Variants in KCNMA1 observed in about 807,000 individuals in gnomAD.
KCNMA1 encodes the protein potassium calcium-activated channel subfamily M alpha 1.
KCNMA1 carries 29 observed loss-of-function variants against 140.0 expected under a neutral mutation model. The observed-to-expected ratio is 0.21, with a 90% CI of 0.15 to 0.28. The LOEUF is 0.28. Among genes scored for constraint, KCNMA1 ranks in the 10% least tolerant of loss-of-function variants. The pLI is 1.00. For synonymous variants in KCNMA1, 612 were observed against 611.9 expected (o/e 1.00, Z 0.00); for missense variants, 880 against 1,602.2 (o/e 0.55, Z 7.70).
intron 12 of KCNMA1, among the ~76,000 whole-genome samples, chr10:77,081,193 C>A (rs1287123799): frequency 2.0e-5 from 3 of 152,084 alleles, no homozygotes; most frequent in African/African-American, 7.2e-5. Flanking sequence ...TAATGAACTG[C>A]GCGACCTTTA....
chr10:76,927,012 G>A (rs2057908008), intron 23 of KCNMA1, among the ~76,000 whole-genome samples: 1 of 152,052 alleles, frequency 6.6e-6, no homozygotes, highest in Admixed American at 6.6e-5. Context: ...CACAGTCGTG[G>A]CAATGGCTGT....
chr10:77,379,946 A>T (rs992297942), intron 2 of KCNMA1, among the ~76,000 whole-genome samples: 8 of 152,156 alleles, frequency 5.3e-5, no homozygotes, highest in Admixed American at 2.6e-4. Context: ...CTGAATGGGG[A>T]TGAATGCGGT....
chr10:77,407,890 C>A (rs1227837389), intron 1 of KCNMA1, among the ~76,000 whole-genome samples: 1 of 152,170 alleles, frequency 6.6e-6, no homozygotes, highest in Non-Finnish European at 1.5e-5. Context: ...GGCACACTGG[C>A]CAGAGTGAAC....
At chr10:77,025,411 G>A in intron 16 of KCNMA1, 3 of 1,584,310 alleles carry the variant, frequency 1.9e-6, no homozygotes, top group Non-Finnish European at 2.6e-6. Context: ...GATAGAGGGT[G>A]GAGGTTGGAA....
chr10:77,482,533 G>A (rs907444112), intron 1 of KCNMA1, among the ~76,000 whole-genome samples: 5 of 152,116 alleles, frequency 3.3e-5, no homozygotes, highest in African/African-American at 1.2e-4. Context: ...GACGGCATAA[G>A]GGCAGGATCA....
chr10:77,136,633 C>G (rs2098039231), intron 5 of KCNMA1, among the ~76,000 whole-genome samples: 1 of 149,696 alleles, frequency 6.7e-6, no homozygotes, highest in Non-Finnish European at 1.5e-5. Flanking sequence ...TGCATGGTCC[C>G]TATGATAAAA....
chr10:77,256,118 C>T (rs1358472653), intron 2 of KCNMA1, among the ~76,000 whole-genome samples: 1 of 152,130 alleles, frequency 6.6e-6, no homozygotes, highest in Non-Finnish European at 1.5e-5. Flanking sequence ...TATTCCCCCT[C>T]AGGTGATGGA....
At chr10:77,251,848 C>A (rs1033169119) in intron 2 of KCNMA1, among the ~76,000 whole-genome samples, 8 of 152,160 alleles carry the variant, frequency 5.3e-5, no homozygotes, top group Non-Finnish European at 1.2e-4. Flanking sequence ...CATTTCCAAG[C>A]CCCAGACCAC....
intron 2 of KCNMA1, among the ~76,000 whole-genome samples, chr10:77,259,553 C>T (rs1005672073): frequency 2.0e-5 from 3 of 152,142 alleles, no homozygotes; most frequent in African/African-American, 7.2e-5. Flanking sequence ...TCTTTTCCTC[C>T]TCTCTGGCTT....
At chr10:77,366,689 G>A (rs2154406562) in intron 2 of KCNMA1, among the ~76,000 whole-genome samples, 1 of 152,236 alleles carries the variant, frequency 6.6e-6, no homozygotes, top group South Asian at 2.1e-4. Context: ...GGTGATGGAA[G>A]TGATGCTTAC....
intron 1 of KCNMA1, among the ~76,000 whole-genome samples, chr10:77,479,469 T>TA (rs1196698092): frequency 3.5e-4 from 53 of 152,308 alleles, no homozygotes; most frequent in Middle Eastern, 3.4e-3. Context: ...GCTCAGCCTT[T>TA]ACCAGCAGAG....
chr10:77,024,964 G>A (rs2093261375), intron 16 of KCNMA1, among the ~76,000 whole-genome samples: 1 of 151,934 alleles, frequency 6.6e-6, no homozygotes, highest in Admixed American at 6.6e-5. Flanking sequence ...TGTGGAAGTG[G>A]TATGTAGACA....
chr10:77,220,945 C>T (rs1440541554), intron 3 of KCNMA1, among the ~76,000 whole-genome samples: 1 of 152,070 alleles, frequency 6.6e-6, no homozygotes, highest in East Asian at 1.9e-4. Flanking sequence ...ATCGCTAGCC[C>T]CCACAGGTCT....
chr10:77,314,630 C>T (rs1018129163), intron 2 of KCNMA1, among the ~76,000 whole-genome samples: 1 of 152,060 alleles, frequency 6.6e-6, no homozygotes, highest in Non-Finnish European at 1.5e-5. Context: ...CCATTCATGA[C>T]CCCTGGTGTG....
intron 12 of KCNMA1, among the ~76,000 whole-genome samples, chr10:77,081,705 C>G (rs544413132): frequency 1.3e-5 from 2 of 152,150 alleles, no homozygotes; most frequent in African/African-American, 2.4e-5. Flanking sequence ...AAAAGTGTTG[C>G]GTTGGCCCAC....
At chr10:77,522,989 C>T (rs1202249428) in intron 1 of KCNMA1, among the ~76,000 whole-genome samples, 2 of 152,106 alleles carry the variant, frequency 1.3e-5, no homozygotes, top group African/African-American at 4.8e-5. Flanking sequence ...CTCTAAGTGC[C>T]AATGTAAAGT....
At chr10:76,877,511 A>G (rs2032610757), downstream of KCNMA1, 2 of 342,036 alleles carry the variant, frequency 5.8e-6, no homozygotes, top group Non-Finnish European at 1.1e-5. Context: ...TAGAGGCTAT[A>G]CATGACTATT....
intron 2 of KCNMA1, among the ~76,000 whole-genome samples, chr10:77,266,078 C>CG (rs2063355213): frequency 5.4e-5 from 2 of 37,342 alleles, no homozygotes; most frequent in African/African-American, 2.3e-4. Flanking sequence ...TGAAAACCTG[C>CG]CAAAAAAAAA....
chr10:77,288,162 A>G (rs921066226), intron 2 of KCNMA1, among the ~76,000 whole-genome samples: 2 of 152,228 alleles, frequency 1.3e-5, no homozygotes, highest in Non-Finnish European at 2.9e-5. Flanking sequence ...GACTCCAGTG[A>G]CTTGGAGTTG....
Sources: gnomAD v4.1 joint callset for allele counts (sites outside exome capture counted in the v4.1 genomes callset) on GRCh38, gnomAD v4.1.1 for gene constraint, MANE v1.5 for transcripts, NCBI Gene and HGNC (gene_info 2026-07-23, HGNC 2026-07-21) for gene names.